DOCK2: variants seen among roughly 807,000 people sequenced by gnomAD.
The protein encoded by DOCK2 is dedicator of cytokinesis 2, also known as dedicator of cytokinesis protein 2.
Under a neutral mutation model 248.9 loss-of-function variants are expected in DOCK2, and 87 were observed. That is an observed-to-expected ratio of 0.35 (90% confidence interval 0.29 to 0.42). The LOEUF (loss-of-function observed/expected upper bound fraction) is 0.42. DOCK2 is among the 10% of genes least tolerant of loss of function. The pLI is 1.00. For synonymous variants in DOCK2, 805 were observed against 821.6 expected, an observed-to-expected ratio of 0.98 and a Z score of 0.35; for missense variants, 1,747 against 2,300.2, an observed-to-expected ratio of 0.76 and a Z score of 4.92.
intron 27 of DOCK2, among the ~76,000 whole-genome samples, chr5:169,935,401 T>G (rs1040010869): frequency 1.5e-4 from 23 of 152,190 alleles, no homozygotes; most frequent in African/African-American, 3.4e-4. Context: ...GCCCTAGCTT[T>G]CTTTCTCTTC....
chr5:169,655,234 A>G (rs1238807846), intron 2 of DOCK2, among the ~76,000 whole-genome samples: 1 of 152,118 alleles, frequency 6.6e-6, no homozygotes, highest in Non-Finnish European at 1.5e-5. Context: ...CACTGGCCCA[A>G]CTGGCCTACC....
rs139089820 is a variant in DOCK2, at chr5:169,940,690, G to A, written c.2800-42378G>A. Among the ~76,000 whole-genome samples the A allele has an allele frequency of 3.5e-3, 530 of 152,286 alleles. 5 individuals carry two copies. The South Asian group carries it at 0.043, about 12-fold the overall frequency. ...AGTTCACAATAGGGTTTGTGCTTCTGTGAGAATCTAATCCCACCACTGATC... is the reference window on the plus strand; with the variant it reads ...AGTTCACAATAGGGTTTGTGCTTCTATGAGAATCTAATCCCACCACTGATC... On this transcript the variant is annotated intron_variant, in intron 27 of 51. Coordinates refer to ENST00000520908, the MANE Select transcript of DOCK2 (RefSeq NM_004946.3).
intron 42 of DOCK2, among the ~76,000 whole-genome samples, chr5:170,055,653 T>G (rs1031464641): frequency 5.3e-5 from 8 of 152,238 alleles, no homozygotes; most frequent in African/African-American, 1.9e-4. Flanking sequence ...CTCAACTGGA[T>G]GCAGTCAGCC....
rs542471762 is a variant in DOCK2 at position 169,797,326 on chromosome 5, C to T, written c.2555-5732C>T. On this transcript the variant is annotated intron_variant, in intron 25 of 51. Transcript: ENST00000520908. ...GCTGGATGCACCTCAAGGTGGTTTT[C>T]CAAAGTGACAAAGAATTTTCATTTA... Among the ~76,000 whole-genome samples, 18 of 152,284 alleles carry T rather than the reference C, an allele frequency of 1.2e-4. No homozygotes were observed. The South Asian group carries it at 3.7e-3, about 32-fold the overall frequency.
chr5:169,804,437 AGTGTGTGTGTGTGTGTGTGTGTGTGT>A (rs55660700), intron 26 of DOCK2, among the ~76,000 whole-genome samples: 3 of 134,574 alleles, frequency 2.2e-5, no homozygotes, highest in African/African-American at 5.7e-5. Flanking sequence ...AGAGCTACAA[AGTGTGTGTGTGTGTGTGTGTGTGTGT>A]GTGTGTGTGT....
chr5:169,798,148 A>T (rs777522675), intron 25 of DOCK2, among the ~76,000 whole-genome samples: 5 of 152,110 alleles, frequency 3.3e-5, no homozygotes, highest in Non-Finnish European at 7.4e-5. Flanking sequence ...CAGCCTCAGT[A>T]CTCTGTGAGC....
At chr5:169,694,376 G>T (rs1050437119) in intron 9 of DOCK2, among the ~76,000 whole-genome samples, 1 of 152,224 alleles carries the variant, frequency 6.6e-6, no homozygotes. Context: ...CAAGATCACT[G>T]AAGCTTTTAG....
intron 30 of DOCK2, among the ~76,000 whole-genome samples, chr5:170,004,907 G>A (rs1754965131): frequency 7.3e-6 from 1 of 137,304 alleles, no homozygotes; most frequent in South Asian, 2.5e-4. Flanking sequence ...TCACACTCTG[G>A]GGACTGTGGT....
chr5:169,714,011 C>A lies in DOCK2; in HGVS notation c.1660-17C>A. Reference sequence around the variant, plus strand: ...ATGGAGCCTTGGCTTGGGGCAGTAACCAAGTGTTGTTTCCAGGGGGACAGC... The same window carrying A: ...ATGGAGCCTTGGCTTGGGGCAGTAAACAAGTGTTGTTTCCAGGGGGACAGC... On this transcript the variant is annotated splice_polypyrimidine_tract_variant and intron_variant, in intron 17 of 51. Transcript: ENST00000520908. 1 of 1,577,352 alleles carries A rather than the reference C, an allele frequency of 6.3e-7. No individual in the cohort carries two copies. Among genetic ancestry groups the A allele is most frequent in the Non-Finnish European group, 8.6e-7 (1 of 1,158,012 alleles).
intron 26 of DOCK2, among the ~76,000 whole-genome samples, chr5:169,813,567 G>GA (rs1353823672): frequency 3.9e-5 from 6 of 152,230 alleles, no homozygotes; most frequent in Non-Finnish European, 8.8e-5. Context: ...ACCCAAGGGA[G>GA]ATGCCTGTGC....
At chr5:169,668,768 G>A (rs1205775767) in intron 2 of DOCK2, among the ~76,000 whole-genome samples, 1 of 152,180 alleles carries the variant, frequency 6.6e-6, no homozygotes, top group African/African-American at 2.4e-5. Context: ...TACTTGTTTT[G>A]TAACGACTAA....
intron 25 of DOCK2, among the ~76,000 whole-genome samples, chr5:169,765,308 A>G (rs1400570900): frequency 6.6e-6 from 1 of 152,212 alleles, no homozygotes; most frequent in African/African-American, 2.4e-5. Flanking sequence ...TTGCAGGAGT[A>G]AGGAGTCATC....
intron 27 of DOCK2, among the ~76,000 whole-genome samples, chr5:169,940,711 T>G (rs956889942): frequency 1.3e-5 from 2 of 152,154 alleles, no homozygotes; most frequent in Non-Finnish European, 2.9e-5. Flanking sequence ...ATCCCACCAC[T>G]GATCTGACAG....
intron 7 of DOCK2, among the ~76,000 whole-genome samples, 154 bp downstream of exon 7, chr5:169,682,033 T>C (rs560502435): frequency 5.3e-5 from 8 of 152,332 alleles, no homozygotes; most frequent in Non-Finnish European, 1.0e-4. Context: ...TTAACTGTGG[T>C]TTCGTACTCA....
In DOCK2 at chr5:169,804,437, A is replaced by AGTGTGTGT. The variant is rs55660700; in HGVS notation, c.2703+1273_2703+1280dup. On this transcript the variant is annotated intron_variant, in intron 26 of 51. Coordinates refer to ENST00000520908, the MANE Select transcript of DOCK2 (RefSeq NM_004946.3). Reference sequence around the variant, plus strand: ...CATATTTGGGGTACAAGAGCTACAAAGTGTGTGTGTGTGTGTGTGTGTGTG... The same window carrying AGTGTGTGT: ...CATATTTGGGGTACAAGAGCTACAAAGTGTGTGTGTGTGTGTGTGTGTGTGTGTGTGTG... 3.6e-3 allele frequency among the ~76,000 whole-genome samples: 491 copies of AGTGTGTGT among 134,636 alleles called. 3 individuals are homozygous for AGTGTGTGT. Among genetic ancestry groups the AGTGTGTGT allele is most frequent in the Non-Finnish European group, 4.4e-3 (278 of 63,184 alleles). 88.3% of individuals were successfully genotyped at this position (134,636 alleles called of 152,430 possible). A position where few individuals can be genotyped will look rare whatever the true frequency, so the allele number is the denominator to read the frequency against.
At chr5:169,672,790 C>T (rs1272220640) in intron 5 of DOCK2, among the ~76,000 whole-genome samples, 1 of 152,182 alleles carries the variant, frequency 6.6e-6, no homozygotes, top group African/African-American at 2.4e-5. Flanking sequence ...CCTGGGCACC[C>T]CCTTTTTTCA....
intron 27 of DOCK2, among the ~76,000 whole-genome samples, chr5:169,869,860 C>T (rs778398751): frequency 6.6e-6 from 1 of 152,206 alleles, no homozygotes; most frequent in Non-Finnish European, 1.5e-5. Flanking sequence ...TGTACCCTCC[C>T]ATCCTTACCA....
chr5:169,802,124 A>G (rs1482413443), intron 25 of DOCK2, among the ~76,000 whole-genome samples: 1 of 152,188 alleles, frequency 6.6e-6, no homozygotes, highest in Non-Finnish European at 1.5e-5. Context: ...TGAAACAGCA[A>G]TGTCAAGAGA....
At chr5:170,016,590 G>A (rs1755546825) in intron 32 of DOCK2, among the ~76,000 whole-genome samples, 5 of 152,212 alleles carry the variant, frequency 3.3e-5, no homozygotes, top group Admixed American at 2.0e-4. Context: ...TCAACTGACT[G>A]TAAAGAATGC....
Sources: allele counts gnomAD v4.1 joint callset (sites outside exome capture counted in the v4.1 genomes callset), GRCh38; gene constraint gnomAD v4.1.1; transcripts MANE v1.5; gene names NCBI Gene and HGNC (gene_info 2026-07-23, HGNC 2026-07-21).